HCK: variants seen among roughly 807,000 people sequenced by gnomAD.
HCK encodes the protein tyrosine-protein kinase HCK.
A neutral mutation model predicts 70.4 loss-of-function variants in HCK; 40 were observed. The observed-to-expected ratio is 0.57, with a 90% confidence interval of 0.44 to 0.74. The LOEUF is 0.74. Ranked by LOEUF, HCK falls within the 30% of genes least tolerant of loss-of-function variation. The pLI, the probability that HCK is intolerant of heterozygous loss-of-function variation, is 0.00. For synonymous variants in HCK, 245 were observed against 263.2 expected, an observed-to-expected ratio of 0.93 and a Z score of 0.67; for missense variants, 568 against 697.2, an observed-to-expected ratio of 0.81 and a Z score of 2.09.
chr20:32,094,751 A>AAGAAAGAG lies in HCK; in HGVS notation c.1246+742_1246+743insGAGAAAGA, dbSNP rs1555877787. ...AAAGAAAGAAAGAAAGAAAGAAAGA[A>AAGAAAGAG]AGAAAGAAAGAAGGAAAGAAAGAAA... is the stretch of plus-strand genomic sequence containing the variant. On this transcript the variant is annotated intron_variant, in intron 11 of 12. Transcript: ENST00000375852. Among the ~76,000 whole-genome samples, 859 of 87,790 alleles carry AAGAAAGAG rather than the reference A, an allele frequency of 9.8e-3. 70 individuals are homozygous for AAGAAAGAG. Among genetic ancestry groups the AAGAAAGAG allele is most frequent in the African/African-American group, 0.032 (574 of 17,810 alleles). 57.6% of individuals were successfully genotyped at this position (87,790 alleles called of 152,430 possible).
chr20:32,066,655 T>C (rs561850507), intron 1 of HCK, among the ~76,000 whole-genome samples: 2 of 152,232 alleles, frequency 1.3e-5, no homozygotes, highest in South Asian at 4.2e-4. Flanking sequence ...AATTCTCTTT[T>C]GAATTTATAC....
At chr20:32,094,993 CA>C (rs1718059580) in intron 11 of HCK, among the ~76,000 whole-genome samples, 1 of 151,884 alleles carries the variant, frequency 6.6e-6, no homozygotes, top group African/African-American at 2.4e-5. Context: ...CTAAAAGAGA[CA>C]AAACATGTAA....
chr20:32,090,397 C>T (rs2045848334), intron 10 of HCK, among the ~76,000 whole-genome samples: 1 of 152,238 alleles, frequency 6.6e-6, no homozygotes, highest in African/African-American at 2.4e-5. Flanking sequence ...CTTGGAGCAG[C>T]AGGTGGAGAA....
At chr20:32,086,177 G>A (rs1252616748) in intron 8 of HCK, among the ~76,000 whole-genome samples, 1 of 152,120 alleles carries the variant, frequency 6.6e-6, no homozygotes, top group Non-Finnish European at 1.5e-5. Context: ...CCACAACTGC[G>A]CCTGGCTAAT....
Position 32,052,447 on chromosome 20 carries a change from A to T in HCK, c.23A>T (p.Glu8Val). The change falls in exon 1 of 13, where the codon GAG becomes GTG. Residue 8 changes from glutamate (E) to valine (V), a missense_variant. Coordinates refer to ENST00000375852, the MANE Select transcript of HCK (RefSeq NM_002110.5). ...GAGCTGGGGGGGCGCTCAAGCTGCG[A>T]GGATCCGGGCTGCCCGCGAGACGAG... is the stretch of plus-strand genomic sequence containing the variant. The T allele has an allele frequency of 7.8e-7, 1 of 1,279,382 alleles. No homozygotes were observed. The highest frequency in any genetic ancestry group is 1.0e-6 in the Non-Finnish European group (1 of 1,004,030). The allele number at this position is 1,279,382 out of a possible 1,614,324, so 79.3% of individuals were successfully genotyped here.
intron 11 of HCK, 131 bp from the exon 12 acceptor site, chr20:32,098,873 G>A (rs961754998): frequency 5.6e-5 from 54 of 959,250 alleles, no homozygotes; most frequent in Non-Finnish European, 7.9e-5. Context: ...GGGAGGCCAC[G>A]TATCAGGGAA....
intron 1 of HCK, chr20:32,069,698 C>A: frequency 1.1e-6 from 1 of 949,020 alleles, no homozygotes; most frequent in Non-Finnish European, 1.5e-6. Flanking sequence ...ACAAACAAAG[C>A]AAAACCGCTC....
At chr20:32,066,189 C>T (rs191627825) in intron 1 of HCK, among the ~76,000 whole-genome samples, 11 of 152,188 alleles carry the variant, frequency 7.2e-5, no homozygotes, top group Admixed American at 5.2e-4. Flanking sequence ...TCCCCTGTTC[C>T]CAAACTCACC....
chr20:32,071,583 C>T lies in HCK; in HGVS notation c.63-79C>T, dbSNP rs923665267. The T allele has an allele frequency of 2.2e-5, 34 of 1,562,630 alleles. No individual in the cohort carries two copies. In the Admixed American group the frequency reaches 5.9e-4, roughly 27 times the overall value. On this transcript the variant is annotated intron_variant, in intron 1 of 12. Coordinates refer to ENST00000375852, the MANE Select transcript of HCK (RefSeq NM_002110.5). ...TGGGAGCCAGCCCGGGGGCAGGGGA[C>T]CTGGAATGCCAGCATCAGAAGACTT...
chr20:32,052,695 G>A (rs1287728450), intron 1 of HCK, among the ~76,000 whole-genome samples: 2 of 151,902 alleles, frequency 1.3e-5, no homozygotes, highest in African/African-American at 4.8e-5. Context: ...CACTGTTGCG[G>A]ACTGCTGGAT....
rs1367718174 is a variant in HCK, at chr20:32,094,817, GAA to G, written c.1246+803_1246+804del. Among the ~76,000 whole-genome samples, 108 of 146,250 alleles carry G rather than the reference GAA, an allele frequency of 7.4e-4. 1 individual carries two copies. The Middle Eastern group carries it at 0.01, about 14-fold the overall frequency. ...AGAAAGAAAGAAAGAAAGAAAGAAA[GAA>G]AGAAAGAAAGAAAGAAAGAAAGAAA... On this transcript the variant is annotated intron_variant, in intron 11 of 12. Transcript: ENST00000375852.
chr20:32,083,077 T>G (rs1354291332), intron 6 of HCK, among the ~76,000 whole-genome samples: 1 of 152,112 alleles, frequency 6.6e-6, no homozygotes. Flanking sequence ...TCTTGCCTTT[T>G]TTAGTTTCCA....
intron 12 of HCK, among the ~76,000 whole-genome samples, chr20:32,100,581 A>C (rs2046020304): frequency 6.6e-6 from 1 of 152,206 alleles, no homozygotes; most frequent in Admixed American, 6.5e-5. Context: ...GAGTTGACTT[A>C]AATATAGAGA....
Position 32,073,826 on chromosome 20 carries a change from C to T in HCK, c.329+8C>T. Reference sequence around the variant, plus strand: ...GATGGTGGTCCTAGAGGAGTGAGTCCCCATCCCACTCCCCCTAAGACAGAC... The same window carrying T: ...GATGGTGGTCCTAGAGGAGTGAGTCTCCATCCCACTCCCCCTAAGACAGAC... On this transcript the variant is annotated splice_region_variant and intron_variant, in intron 4 of 12. Transcript: ENST00000375852. 1 of 1,495,652 alleles carries T rather than the reference C, an allele frequency of 6.7e-7. No individual in the cohort carries two copies. Among genetic ancestry groups the T allele is most frequent in the Non-Finnish European group, 9.1e-7 (1 of 1,095,490 alleles). 92.6% of individuals were successfully genotyped at this position (1,495,652 alleles called of 1,614,324 possible).
intron 1 of HCK, among the ~76,000 whole-genome samples, chr20:32,060,564 C>T (rs567968678): frequency 2.0e-4 from 30 of 152,236 alleles, no homozygotes; most frequent in South Asian, 6.2e-4. Flanking sequence ...ATTGTTTAGA[C>T]GGGAAATCTG....
At chr20:32,067,152 A>G (rs1441045544) in intron 1 of HCK, among the ~76,000 whole-genome samples, 2 of 152,204 alleles carry the variant, frequency 1.3e-5, no homozygotes, top group African/African-American at 4.8e-5. Flanking sequence ...TAAGTATTTT[A>G]GCAATCTTTG....
chr20:32,097,125 T>A (rs1193304181), intron 11 of HCK, among the ~76,000 whole-genome samples: 2 of 150,930 alleles, frequency 1.3e-5, no homozygotes, highest in Non-Finnish European at 2.9e-5. Context: ...ACAAAAAATT[T>A]AAAAATAAGT....
chr20:32,066,258 T>C (rs914141580), intron 1 of HCK, among the ~76,000 whole-genome samples: 2 of 148,698 alleles, frequency 1.3e-5, no homozygotes, highest in Non-Finnish European at 3.0e-5. Flanking sequence ...TAGATTCTGC[T>C]GACAAATCAC....
At chr20:32,068,885 A>G (rs2045498669) in intron 1 of HCK, among the ~76,000 whole-genome samples, 2 of 152,176 alleles carry the variant, frequency 1.3e-5, no homozygotes, top group Non-Finnish European at 2.9e-5. Context: ...TCGAGGTTGC[A>G]GTAAGCTATG....
Sources: allele counts gnomAD v4.1 joint callset (sites outside exome capture counted in the v4.1 genomes callset), GRCh38; gene constraint gnomAD v4.1.1; transcripts MANE v1.5; gene names NCBI Gene and HGNC (gene_info 2026-07-23, HGNC 2026-07-21).